The following DOP1A variants were observed in gnomAD, a reference collection of about 807,000 sequenced individuals.
The protein encoded by DOP1A is DOP1 leucine zipper like protein A, also known as protein DOP1A.
In DOP1A, 90 loss-of-function variants were observed where a neutral mutation model predicts 267.6. The observed-to-expected ratio is 0.34, with a 90% confidence interval of 0.28 to 0.40. The LOEUF is 0.40. Among genes scored for constraint, DOP1A ranks in the 10% least tolerant of loss-of-function variants. The pLI is 1.00. For synonymous variants in DOP1A, 932 were observed against 999.1 expected (o/e 0.93, Z 1.27); for missense variants, 2,437 against 2,900.4 (o/e 0.84, Z 3.67).
rs1778032164 is a variant in DOP1A, at chr6:83,131,574, G to T, written c.2617-602G>T. ...TGGGATTTGTATCTTATTAAGGATA[G>T]TTTATTCTAGCATCACTTTACTAAA... On this transcript the variant is annotated intron_variant, in intron 17 of 38. Transcript: ENST00000349129. Among the ~76,000 whole-genome samples the T allele has an allele frequency of 2.0e-5, 3 of 152,008 alleles. No homozygotes were observed. The South Asian group carries it at 6.2e-4, about 32-fold the overall frequency.
chr6:83,144,339 C>T (rs1456392227), intron 24 of DOP1A, among the ~76,000 whole-genome samples: 1 of 151,938 alleles, frequency 6.6e-6, no homozygotes, highest in Non-Finnish European at 1.5e-5. Context: ...AATAAAAAGA[C>T]ATCTAACAGA....
At chr6:83,167,342 T>G (rs1785998738) in intron 38 of DOP1A, 2 of 985,402 alleles carry the variant, frequency 2.0e-6, no homozygotes, top group Non-Finnish European at 2.4e-6. Context: ...TTCTCTGTGA[T>G]GCAGTACTGA....
chr6:83,105,474 C>T (rs1773453013), intron 4 of DOP1A, among the ~76,000 whole-genome samples: 1 of 145,526 alleles, frequency 6.9e-6, no homozygotes, highest in Non-Finnish European at 1.5e-5. Flanking sequence ...AAGCAATTCT[C>T]CTTTCTCAGC....
chr6:83,076,010 T>C (rs765966705), intron 1 of DOP1A, among the ~76,000 whole-genome samples: 2 of 152,094 alleles, frequency 1.3e-5, no homozygotes, highest in Non-Finnish European at 2.9e-5. Flanking sequence ...CTTAAAACTT[T>C]CTGTGCATCA....
In DOP1A at chr6:83,153,492, A is replaced by AT; in HGVS notation, c.6130-13dup. 1 of 1,543,060 alleles carries AT rather than the reference A, an allele frequency of 6.5e-7. No homozygotes were observed. The highest frequency in any genetic ancestry group is 8.8e-7 in the Non-Finnish European group (1 of 1,133,852). On this transcript the variant is annotated intron_variant, in intron 30 of 38. Transcript: ENST00000349129. ...AGTTTCACCTCATATGTTACTCTTC[A>AT]TTTTTTATGTTTTCATAGGTTTTGG... is the stretch of plus-strand genomic sequence containing the variant.
chr6:83,139,059 A>C lies in DOP1A; in HGVS notation c.5017A>C (p.Lys1673Gln), dbSNP rs369150125. The change falls in exon 21 of 39, where the codon AAA becomes CAA. Residue 1673 changes from lysine (K) to glutamine (Q), a missense_variant. Transcript: ENST00000349129. ...LITSTLPYMGKVLQRVVVSVT... is the reference protein window; with the variant it reads ...LITSTLPYMGQVLQRVVVSVT... Reference sequence around the variant, plus strand: ...CACATCTACTCTGCCTTACATGGGAAAAGTTCTGCAGAGAGTGGTTGTTTC... The same window carrying C: ...CACATCTACTCTGCCTTACATGGGACAAGTTCTGCAGAGAGTGGTTGTTTC... 6.2e-7 allele frequency: 1 copy of C among 1,614,078 alleles called. No homozygotes were observed. The highest frequency in any genetic ancestry group is 1.7e-5 in the Admixed American group (1 of 60,000).
At chr6:83,160,871 T>A (rs184111777) in intron 37 of DOP1A, among the ~76,000 whole-genome samples, 1 of 152,234 alleles carries the variant, frequency 6.6e-6, no homozygotes, top group East Asian at 1.9e-4. Flanking sequence ...GCTCCAAAAT[T>A]TGCTATTTTA....
chr6:83,097,066 A>G lies in DOP1A; in HGVS notation c.89A>G (p.Tyr30Cys), dbSNP rs747532052. 8.7e-6 allele frequency: 14 copies of G among 1,613,870 alleles called. No individual in the cohort carries two copies. Among genetic ancestry groups the G allele is most frequent in the Non-Finnish European group, 1.1e-5 (13 of 1,179,974 alleles). ...AIDKALKNFEYSSEWADLISA... is the reference protein window; with the variant it reads ...AIDKALKNFECSSEWADLISA... ...GACAAAGCACTAAAGAATTTTGAAT[A>G]CTCCAGTGAATGGGCAGATTTGATA... The change falls in exon 3 of 39, where the codon TAC becomes TGC. Residue 30 changes from tyrosine (Y) to cysteine (C), a missense_variant. Tyr to Cys is a radical substitution (Grantham distance 194, BLOSUM62 -2). Coordinates refer to ENST00000349129, the MANE Select transcript of DOP1A (RefSeq NM_015018.4).
downstream of DOP1A, chr6:83,170,447 T>C (rs776651237): frequency 6.2e-7 from 1 of 1,614,086 alleles, no homozygotes. Flanking sequence ...TCTTTCAGCA[T>C]CGGTAGTGCT....
chr6:83,087,167 G>T (rs1026474737), intron 1 of DOP1A, among the ~76,000 whole-genome samples: 7 of 152,062 alleles, frequency 4.6e-5, no homozygotes, highest in South Asian at 2.1e-4. Flanking sequence ...TGGAGGGAAG[G>T]TAAGAATATT....
intron 6 of DOP1A, among the ~76,000 whole-genome samples, chr6:83,110,758 G>A (rs1344577518): frequency 6.6e-6 from 1 of 152,036 alleles, no homozygotes; most frequent in Non-Finnish European, 1.5e-5. Context: ...AAACCCTCAA[G>A]GATCATTTTG....
At position 83,166,993 on chromosome 6, in the gene DOP1A, C is replaced by A. The variant is rs963254193; in HGVS notation, c.7093-869C>A. 6 of 985,628 alleles carry A rather than the reference C, an allele frequency of 6.1e-6. No homozygotes were observed. The Admixed American group carries it at 3.7e-4, about 61-fold the overall frequency. 61.1% of individuals were successfully genotyped at this position (985,628 alleles called of 1,614,324 possible). On this transcript the variant is annotated intron_variant, in intron 38 of 38. Coordinates refer to ENST00000349129, the MANE Select transcript of DOP1A (RefSeq NM_015018.4). ...TCTGCCCAAGTTCAACCAACCTGTT[C>A]TCTCTTATCTTTCTCTAGACAGAAT... is the stretch of plus-strand genomic sequence containing the variant.
chr6:83,151,911 T>C lies in DOP1A; in HGVS notation c.5933T>C (p.Ile1978Thr). ...GTAACTCACAAAATAGTGGATGCAA[T>C]TGGTGCAATTGCTGGTTCTTCTCTG... is the stretch of plus-strand genomic sequence containing the variant. ...QDVTHKIVDA[I>T]GAIAGSSLEQ... is the part of the protein sequence containing the mutation. Residue 1978 changes from isoleucine (I) to threonine (T), a missense_variant, in exon 29 of 39, where the codon ATT becomes ACT. Coordinates refer to ENST00000349129, the MANE Select transcript of DOP1A (RefSeq NM_015018.4). 2.5e-6 allele frequency: 4 copies of C among 1,613,914 alleles called. No homozygotes were observed. The highest frequency in any genetic ancestry group is 1.3e-5 in the African/African-American group (1 of 75,030).
intron 38 of DOP1A, among the ~76,000 whole-genome samples, chr6:83,163,425 C>A (rs1784705686): frequency 6.6e-6 from 1 of 152,044 alleles, no homozygotes; most frequent in Non-Finnish European, 1.5e-5. Context: ...GAAGATTATA[C>A]ATTTTAAATT....
chr6:83,103,863 C>T (rs1304716496), intron 4 of DOP1A, among the ~76,000 whole-genome samples: 1 of 152,162 alleles, frequency 6.6e-6, no homozygotes, highest in Non-Finnish European at 1.5e-5. Context: ...ATAAAACATT[C>T]TTGTCAACCC....
rs1447396245 is a variant in DOP1A at position 83,097,031 on chromosome 6, A to G, written c.54A>G (p.Val18=). 8.7e-6 allele frequency: 14 copies of G among 1,614,030 alleles called. No individual in the cohort carries two copies. The highest frequency in any genetic ancestry group is 1.2e-5 in the Non-Finnish European group (14 of 1,180,002). Residue 18 remains valine, a synonymous_variant, in exon 3 of 39, where the codon GTA becomes GTG. Transcript: ENST00000349129. ...GTGACTCCAAATACAGAAACTATGT[A>G]GCAGCAATTGACAAAGCACTAAAGA... ...LLSDSKYRNY[V]AAIDKALKNF...
At position 83,104,313 on chromosome 6, in the gene DOP1A, T is replaced by C. The variant is rs2128149050; in HGVS notation, c.320+3427T>C. ...GTATTGACTAGGGTCTATAGTAAAG[T>C]GTTAAAGAGAGTAGGGGCAAGTATA... On this transcript the variant is annotated intron_variant, in intron 4 of 38. Coordinates refer to ENST00000349129, the MANE Select transcript of DOP1A (RefSeq NM_015018.4). 1.3e-5 allele frequency among the ~76,000 whole-genome samples: 2 copies of C among 152,242 alleles called. 1 individual carries two copies. Among genetic ancestry groups the C allele is most frequent in the South Asian group, 4.1e-4 (2 of 4,832 alleles).
chr6:83,144,429 G>A (rs377372303), intron 24 of DOP1A, among the ~76,000 whole-genome samples: 15 of 152,250 alleles, frequency 9.9e-5, no homozygotes, highest in African/African-American at 3.4e-4. Flanking sequence ...TGTAATTAGA[G>A]ATTTACAGTT....
chr6:83,070,684 A>G (rs1246811040), intron 1 of DOP1A, among the ~76,000 whole-genome samples: 1 of 150,704 alleles, frequency 6.6e-6, no homozygotes, highest in Non-Finnish European at 1.5e-5. Context: ...TGATTACCTC[A>G]TTTTGAATTA....
Sources: allele counts gnomAD v4.1 joint callset (sites outside exome capture counted in the v4.1 genomes callset), GRCh38; gene constraint gnomAD v4.1.1; transcripts MANE v1.5; gene names NCBI Gene and HGNC (gene_info 2026-07-23, HGNC 2026-07-21).